The following MATR3 variants were observed in gnomAD, a reference collection of about 807,000 sequenced individuals.
The protein encoded by MATR3 is matrin 3, also known as matrin-3.
A neutral mutation model predicts 85.5 loss-of-function variants in MATR3; 4 were observed. That is an observed-to-expected ratio of 0.05 (90% CI 0.02 to 0.11). The LOEUF is 0.11. Ranked by LOEUF, MATR3 falls within the 10% of genes least tolerant of loss-of-function variation. MATR3 has a pLI of 1.00. For missense variants in MATR3, 685 were observed against 1,016.1 expected (o/e 0.67, Z 4.43); for synonymous variants, 336 against 343.1 (o/e 0.98, Z 0.23).
At position 139,315,303 on chromosome 5, in the gene MATR3, T is replaced by C. The variant is rs1394465097; in HGVS notation, c.975-394T>C. 3 of 224,276 alleles carry C rather than the reference T, an allele frequency of 1.3e-5. No individual in the cohort carries two copies. The Admixed American group carries it at 1.6e-4, about 12-fold the overall frequency. The allele number at this position is 224,276 out of a possible 1,614,324, so 13.9% of individuals were successfully genotyped here. ...CACATATGCCTAACTCTGTTGGGGCTATTCTTTCTTTCTAATGTCACAACT... is the reference window on the plus strand; with the variant it reads ...CACATATGCCTAACTCTGTTGGGGCCATTCTTTCTTTCTAATGTCACAACT... On this transcript the variant is annotated intron_variant, in intron 3 of 14. Transcript: ENST00000394805.
At chr5:139,314,062 G>C (rs781716339) in intron 2 of MATR3, 1 of 154,380 alleles carries the variant, frequency 6.5e-6, no homozygotes, top group Non-Finnish European at 1.4e-5. Flanking sequence ...GACTACAGGC[G>C]TGTGCCACCA....
rs575644705 is a variant in MATR3 at position 139,322,880 on chromosome 5, G to T, written c.2061G>T (p.Val687=). Reference sequence around the variant, plus strand: ...CCGATCTTGCTAATTTAGGTGATGTGGCTTCTGATGGGAAAAAGGAACCAT... The same window carrying T: ...CCGATCTTGCTAATTTAGGTGATGTTGCTTCTGATGGGAAAAAGGAACCAT... ...DETDLANLGD[V]ASDGKKEPSD... is the part of the protein sequence containing the mutation. The change falls in exon 12 of 15, where the codon GTG becomes GTT. Residue 687 remains valine (V), a synonymous_variant. Transcript: ENST00000394805. The T allele has an allele frequency of 1.2e-6, 2 of 1,613,980 alleles. No homozygotes were observed. Among genetic ancestry groups the T allele is most frequent in the Non-Finnish European group, 1.7e-6 (2 of 1,179,976 alleles).
intron 1 of MATR3, among the ~76,000 whole-genome samples, chr5:139,303,148 C>G (rs1234701806): frequency 6.6e-6 from 1 of 151,978 alleles, no homozygotes. Flanking sequence ...GTGGCCCAGG[C>G]TGGAGTGCAG....
At chr5:139,327,221 A>G (rs2152027301) in intron 14 of MATR3, among the ~76,000 whole-genome samples, 2 of 152,108 alleles carry the variant, frequency 1.3e-5, no homozygotes, top group Middle Eastern at 6.8e-3. Flanking sequence ...CTCAGTCATT[A>G]GATATGTTCT....
chr5:139,293,736 T>G, upstream of MATR3: 50 of 345,390 alleles, frequency 1.4e-4, no homozygotes, highest in Admixed American at 2.4e-4. Flanking sequence ...CTGCGGGGGA[T>G]TGTGGGAGTC....
At chr5:139,293,579 A>C, upstream of MATR3, 2 of 173,288 alleles carry the variant, frequency 1.2e-5, no homozygotes, top group Non-Finnish European at 1.2e-5. Flanking sequence ...ACCGCAGGCG[A>C]GTGCACGAGC....
intron 3 of MATR3, among the ~76,000 whole-genome samples, chr5:139,284,976 C>T (rs983613548): frequency 6.6e-6 from 1 of 152,092 alleles, no homozygotes; most frequent in African/African-American, 2.4e-5. Flanking sequence ...ACATGTTGAC[C>T]ATGTTAAATA....
At position 139,322,759 on chromosome 5, in the gene MATR3, A is replaced by G; in HGVS notation, c.1940A>G (p.Glu647Gly). 1 of 1,614,202 alleles carries G rather than the reference A, an allele frequency of 6.2e-7. No individual in the cohort carries two copies. The highest frequency in any genetic ancestry group is 8.5e-7 in the Non-Finnish European group (1 of 1,180,034). ...KDTKDDQTEQ[E>G]PNMLLESEDE... is the part of the protein sequence containing the mutation. ...ACAAAGGATGACCAGACAGAGCAGG[A>G]ACCTAATATGCTTCTTGAATCTGAA... The change falls in exon 12 of 15, where the codon GAA (glutamate) becomes GGA (glycine). Residue 647 changes from glutamate to glycine, a missense_variant. Coordinates refer to ENST00000394805, the MANE Select transcript of MATR3 (RefSeq NM_018834.6).
intron 1 of MATR3, among the ~76,000 whole-genome samples, chr5:139,305,914 C>T (rs1309124217): frequency 6.6e-6 from 1 of 152,078 alleles, no homozygotes; most frequent in Non-Finnish European, 1.5e-5. Context: ...CCATTGTATC[C>T]TTGCTTTAAT....
Position 139,326,264 on chromosome 5 carries a change from C to T in MATR3, c.2473C>T (p.Pro825Ser), listed in dbSNP as rs879634957. ...VAKNTHCSSL[P>S]HYQKLKKFLN... Reference sequence around the variant, plus strand: ...AAAGAATACTCATTGCAGCAGCCTTCCTCATTATCAGAAATTAAAGGTAAG... The same window carrying T: ...AAAGAATACTCATTGCAGCAGCCTTTCTCATTATCAGAAATTAAAGGTAAG... Residue 825 changes from proline (P) to serine (S), a missense_variant, in exon 14 of 15, where the codon CCT becomes TCT. Physicochemically the swap from Pro to Ser is moderately conservative, Grantham distance 74 (BLOSUM62 -1). Transcript: ENST00000394805. The T allele has an allele frequency of 6.2e-7, 1 of 1,613,612 alleles. No homozygotes were observed. The highest frequency in any genetic ancestry group is 1.7e-5 in the Admixed American group (1 of 60,012).
chr5:139,289,560 T>C (rs563608653), upstream of MATR3, among the ~76,000 whole-genome samples: 18 of 152,366 alleles, frequency 1.2e-4, no homozygotes, highest in South Asian at 6.2e-4. Flanking sequence ...TGTCCATGTC[T>C]TCCTTCTACC....
intron 7 of MATR3, 84 bp from the exon 8 acceptor site, chr5:139,318,824 T>C (rs1370571339): frequency 7.6e-7 from 1 of 1,310,092 alleles, no homozygotes; most frequent in African/African-American, 1.5e-5. Context: ...GGGGCATTGT[T>C]ATTTTTTAGG....
intron 1 of MATR3, among the ~76,000 whole-genome samples, chr5:139,301,322 C>A (rs1340361126): frequency 6.6e-6 from 1 of 151,592 alleles, no homozygotes; most frequent in Non-Finnish European, 1.5e-5. Context: ...CAGAATGGAG[C>A]CTTTTTTCTT....
At chr5:139,323,048 G>A in intron 12 of MATR3, 81 bp downstream of exon 12, 1 of 1,345,128 alleles carries the variant, frequency 7.4e-7, no homozygotes, top group Non-Finnish European at 1.0e-6. Context: ...AGCAGGATCA[G>A]ATAGAATTAT....
chr5:139,329,501 T>C lies in MATR3; in HGVS notation c.*106T>C, dbSNP rs770608274. The C allele has an allele frequency of 4.2e-6, 4 of 958,034 alleles. No homozygotes were observed. Among genetic ancestry groups the C allele is most frequent in the Non-Finnish European group, 6.6e-6 (4 of 609,626 alleles). The allele number at this position is 958,034 out of a possible 1,614,324, so 59.3% of individuals were successfully genotyped here. A position where few individuals can be genotyped will look rare whatever the true frequency, so the allele number is the denominator to read the frequency against. ...GATAGTTAGAAGAAAACTATTGTAC[T>C]CTTTTGTTTTAGTGGAGAAATAATA... On this transcript the variant is annotated 3_prime_UTR_variant, in exon 15 of 15. Coordinates refer to ENST00000394805, the MANE Select transcript of MATR3 (RefSeq NM_018834.6).
chr5:139,315,916 T>G, intron 4 of MATR3, 160 bp from the exon 5 acceptor site: 1 of 753,522 alleles, frequency 1.3e-6, no homozygotes, highest in Non-Finnish European at 2.3e-6. Context: ...TAATTTGTAT[T>G]CTTTTATTGT....
chr5:139,306,728 A>T (rs368992968), intron 1 of MATR3, among the ~76,000 whole-genome samples: 2 of 152,316 alleles, frequency 1.3e-5, no homozygotes, highest in East Asian at 3.8e-4. Flanking sequence ...TTGGTCTTAT[A>T]TCTTACATTA....
chr5:139,277,305 G>T (rs745849474), intron 2 of MATR3, among the ~76,000 whole-genome samples: 6 of 152,064 alleles, frequency 3.9e-5, no homozygotes, highest in Admixed American at 6.6e-5. Context: ...ACCGTGCCTG[G>T]CCTGGAATGC....
chr5:139,315,636 C>A, intron 3 of MATR3, 61 bp from the exon 4 acceptor site: 1 of 1,111,870 alleles, frequency 9.0e-7, no homozygotes, highest in Non-Finnish European at 1.4e-6. Context: ...AGAGGCCAAA[C>A]AAGGCTGTTT....
Sources: gnomAD v4.1 joint callset for allele counts (sites outside exome capture counted in the v4.1 genomes callset) on GRCh38, gnomAD v4.1.1 for gene constraint, MANE v1.5 for transcripts, NCBI Gene and HGNC (gene_info 2026-07-23, HGNC 2026-07-21) for gene names.